Variants in HS2ST1 observed in about 807,000 individuals in gnomAD.
HS2ST1 encodes the protein 2-O-sulfotransferase.
Under a neutral mutation model 42.9 loss-of-function variants are expected in HS2ST1, and 18 were observed. The ratio of observed to expected loss-of-function variants is 0.42; its 90% CI spans 0.29 to 0.62. The LOEUF (loss-of-function observed/expected upper bound fraction) is 0.62, where lower values mean the gene tolerates loss of function less well. Ranked by LOEUF, HS2ST1 falls within the 20% of genes least tolerant of loss-of-function variation. The pLI is 0.21. For missense variants in HS2ST1, 334 were observed against 433.8 expected (o/e 0.77, Z 2.04); for synonymous variants, 146 against 152.9 (o/e 0.95, Z 0.33).
chr1:87,027,566 A>G (rs1005383879), intron 1 of HS2ST1, among the ~76,000 whole-genome samples: 3 of 152,216 alleles, frequency 2.0e-5, no homozygotes, highest in Admixed American at 2.0e-4. Context: ...AATAAAAAAG[A>G]TGATGTTTTG....
At chr1:86,945,662 A>G (rs1393655047) in intron 1 of HS2ST1, among the ~76,000 whole-genome samples, 2 of 152,238 alleles carry the variant, frequency 1.3e-5, no homozygotes, top group African/African-American at 4.8e-5. Flanking sequence ...TTACTTTAAC[A>G]GGGAAGAACC....
intron 1 of HS2ST1, among the ~76,000 whole-genome samples, chr1:87,052,620 C>T (rs1017066268): frequency 6.6e-6 from 1 of 152,050 alleles, no homozygotes; most frequent in Non-Finnish European, 1.5e-5. Flanking sequence ...CCTTAGGAGA[C>T]GTAGTGGTTG....
At chr1:87,094,657 C>T (rs1233875343) in intron 4 of HS2ST1, among the ~76,000 whole-genome samples, 2 of 151,916 alleles carry the variant, frequency 1.3e-5, no homozygotes, top group East Asian at 1.9e-4. Flanking sequence ...TTCTGTGAAA[C>T]GTGATCCAAA....
intron 1 of HS2ST1, among the ~76,000 whole-genome samples, chr1:86,997,954 T>G (rs1429170311): frequency 6.6e-6 from 1 of 152,180 alleles, no homozygotes; most frequent in African/African-American, 2.4e-5. Flanking sequence ...AAACCATGGG[T>G]CGTGAAACTG....
chr1:86,936,222 A>G (rs550819719), intron 1 of HS2ST1, among the ~76,000 whole-genome samples: 1 of 152,028 alleles, frequency 6.6e-6, no homozygotes, highest in South Asian at 2.1e-4. Context: ...AAATTTTTAA[A>G]TTATTTTTAA....
intron 1 of HS2ST1, among the ~76,000 whole-genome samples, chr1:87,027,328 A>G (rs1200290423): frequency 2.0e-5 from 3 of 152,190 alleles, no homozygotes; most frequent in Non-Finnish European, 2.9e-5. Context: ...TAAGCACTAT[A>G]ATTAAAGTCA....
intron 1 of HS2ST1, among the ~76,000 whole-genome samples, chr1:87,032,842 A>G (rs976200314): frequency 2.0e-5 from 3 of 152,332 alleles, no homozygotes; most frequent in Admixed American, 1.3e-4. Flanking sequence ...AAAGTTTTGA[A>G]TAGGCTATAT....
At chr1:86,992,685 C>T (rs1027835660) in intron 1 of HS2ST1, among the ~76,000 whole-genome samples, 4 of 152,058 alleles carry the variant, frequency 2.6e-5, no homozygotes, top group African/African-American at 9.7e-5. Flanking sequence ...TTTTATGCAC[C>T]GTATAGGGGA....
At chr1:87,000,610 T>C (rs1351500088) in intron 1 of HS2ST1, among the ~76,000 whole-genome samples, 1 of 152,212 alleles carries the variant, frequency 6.6e-6, no homozygotes, top group African/African-American at 2.4e-5. Context: ...TAGAATGTAG[T>C]TGGTAGTTTG....
intron 1 of HS2ST1, among the ~76,000 whole-genome samples, chr1:86,966,512 C>A (rs550348527): frequency 2.0e-5 from 3 of 152,110 alleles, no homozygotes; most frequent in Admixed American, 2.0e-4. Context: ...AGCATTCATA[C>A]GATATTATTT....
At chr1:86,956,358 C>G (rs1458510571) in intron 1 of HS2ST1, 1 of 152,190 alleles carries the variant, frequency 6.6e-6, no homozygotes, top group African/African-American at 2.4e-5. Context: ...TCTGAAGGAA[C>G]AATTCTGTGT....
At chr1:86,916,529 A>C (rs1660161774) in intron 1 of HS2ST1, among the ~76,000 whole-genome samples, 1 of 152,238 alleles carries the variant, frequency 6.6e-6, no homozygotes, top group Admixed American at 6.5e-5. Context: ...AGTGAAGTGC[A>C]ACTAAAGTTG....
chr1:87,064,418 G>A, intron 1 of HS2ST1: 1 of 512,278 alleles, frequency 2.0e-6, no homozygotes, highest in South Asian at 1.4e-5. Flanking sequence ...CTCAGAAGGG[G>A]CAATAGTGAA....
intron 1 of HS2ST1, among the ~76,000 whole-genome samples, chr1:87,003,587 T>C (rs944448287): frequency 2.0e-5 from 3 of 152,200 alleles, no homozygotes; most frequent in African/African-American, 7.2e-5. Context: ...TTGATGCTCT[T>C]TATAGACCCT....
At chr1:87,023,516 G>A (rs2100589513) in intron 1 of HS2ST1, among the ~76,000 whole-genome samples, 1 of 151,096 alleles carries the variant, frequency 6.6e-6, no homozygotes, top group South Asian at 2.1e-4. Context: ...TGCTATCACT[G>A]GCACAAAAAT....
intron 1 of HS2ST1, among the ~76,000 whole-genome samples, chr1:87,033,770 C>G (rs1257811229): frequency 6.6e-6 from 1 of 152,150 alleles, no homozygotes; most frequent in African/African-American, 2.4e-5. Flanking sequence ...TCTCAAACTC[C>G]TGACCTCAGG....
chr1:87,058,416 T>G (rs569547074), intron 1 of HS2ST1, among the ~76,000 whole-genome samples: 1 of 151,786 alleles, frequency 6.6e-6, no homozygotes, highest in Non-Finnish European at 1.5e-5. Flanking sequence ...GTCATTTTTA[T>G]GGATTTTCTC....
intron 1 of HS2ST1, among the ~76,000 whole-genome samples, chr1:86,989,116 T>C (rs535833441): frequency 9.8e-4 from 149 of 152,356 alleles, no homozygotes; most frequent in Non-Finnish European, 1.2e-3. Context: ...TGTAGATTTC[T>C]TTTATAAACA....
At chr1:87,025,840 G>T (rs927059771) in intron 1 of HS2ST1, among the ~76,000 whole-genome samples, 2 of 152,094 alleles carry the variant, frequency 1.3e-5, no homozygotes, top group African/African-American at 4.8e-5. Context: ...AAGATTTGCA[G>T]AATGTAACAT....
Sources: gnomAD v4.1 joint callset for allele counts (sites outside exome capture counted in the v4.1 genomes callset) on GRCh38, gnomAD v4.1.1 for gene constraint, MANE v1.5 for transcripts, NCBI Gene and HGNC (gene_info 2026-07-23, HGNC 2026-07-21) for gene names.